The following CRTAM variants were observed in gnomAD, a reference collection of about 807,000 sequenced individuals.
CRTAM encodes the protein cytotoxic and regulatory T cell molecule.
A neutral mutation model predicts 50.0 loss-of-function variants in CRTAM; 44 were observed. The ratio of observed to expected loss-of-function variants is 0.88; its 90% CI spans 0.69 to 1.13. CRTAM has a LOEUF of 1.13. Ranked by LOEUF, CRTAM falls within the 50% of genes most tolerant of loss-of-function variation. CRTAM has a pLI of 0.00. For synonymous variants in CRTAM, 159 were observed against 169.3 expected, an observed-to-expected ratio of 0.94 and a Z score of 0.47; for missense variants, 448 against 457.5, an observed-to-expected ratio of 0.98 and a Z score of 0.19.
At chr11:122,851,591 C>T in intron 2 of CRTAM, 102 bp from the exon 3 acceptor site, 1 of 1,031,374 alleles carries the variant, frequency 9.7e-7, no homozygotes, top group Non-Finnish European at 1.5e-6. Flanking sequence ...TTGATTGTGC[C>T]AAATGTAGAA....
chr11:122,840,773 T>C (rs1256486004), intron 1 of CRTAM, among the ~76,000 whole-genome samples: 4 of 151,994 alleles, frequency 2.6e-5, no homozygotes, highest in Admixed American at 2.0e-4. Flanking sequence ...ACTTCTACAG[T>C]GTTACTTCTA....
chr11:122,866,836 C>T (rs1254074661), intron 7 of CRTAM, among the ~76,000 whole-genome samples: 1 of 151,990 alleles, frequency 6.6e-6, no homozygotes, highest in East Asian at 1.9e-4. Context: ...GTCTCAAACT[C>T]CTGGCCTCAA....
At chr11:122,855,235 C>T (rs114468212) in intron 4 of CRTAM, among the ~76,000 whole-genome samples, 1,876 of 152,264 alleles carry the variant, frequency 0.012, 47 homozygotes, top group African/African-American at 0.043. Flanking sequence ...TGAGCCACTG[C>T]GCCCGGCCTG....
At chr11:122,864,537 T>C (rs574335600) in intron 6 of CRTAM, 99 bp from the exon 7 acceptor site, 3 of 753,592 alleles carry the variant, frequency 4.0e-6, no homozygotes, top group East Asian at 5.6e-5. Context: ...TAAATTTGGC[T>C]TCCCAAGCTG....
At chr11:122,865,637 C>T (rs1208223693) in intron 7 of CRTAM, among the ~76,000 whole-genome samples, 5 of 152,060 alleles carry the variant, frequency 3.3e-5, no homozygotes, top group Admixed American at 2.6e-4. Flanking sequence ...CAGCATTGCT[C>T]CCAATTTCTT....
In CRTAM at chr11:122,853,866, A is replaced by G. The variant is rs895192598; in HGVS notation, c.347-77A>G. ...AGTATACCCTATAACAATCACCTACAGATTATTAGCCTCTGTGCTTTGTTG... is the reference window on the plus strand; with the variant it reads ...AGTATACCCTATAACAATCACCTACGGATTATTAGCCTCTGTGCTTTGTTG... On this transcript the variant is annotated intron_variant, in intron 3 of 9. Transcript: ENST00000227348. The G allele has an allele frequency of 2.9e-6, 4 of 1,368,764 alleles. No homozygotes were observed. In the Admixed American group the frequency reaches 6.2e-5, roughly 21 times the overall value. The allele number at this position is 1,368,764 out of a possible 1,614,324, so 84.8% of individuals were successfully genotyped here. A position where few individuals can be genotyped will look rare whatever the true frequency, so the allele number is the denominator to read the frequency against.
At chr11:122,854,118 T>C in intron 4 of CRTAM, 32 bp downstream of exon 4, 1 of 1,596,308 alleles carries the variant, frequency 6.3e-7, no homozygotes, top group Non-Finnish European at 8.5e-7. Context: ...TTTGTCTTCC[T>C]TCCTACTCAA....
chr11:122,840,116 A>C (rs1356539001), intron 1 of CRTAM, among the ~76,000 whole-genome samples: 1 of 152,222 alleles, frequency 6.6e-6, no homozygotes, highest in Non-Finnish European at 1.5e-5. Flanking sequence ...CCTCATAAAA[A>C]ATAACTCATA....
At chr11:122,852,471 G>T (rs1327701332) in intron 3 of CRTAM, among the ~76,000 whole-genome samples, 1 of 152,170 alleles carries the variant, frequency 6.6e-6, no homozygotes, top group Admixed American at 6.5e-5. Flanking sequence ...TGGCAGAACA[G>T]ATCGATTAAA....
intron 6 of CRTAM, among the ~76,000 whole-genome samples, chr11:122,863,259 AAAG>A (rs1862113727): frequency 1.6e-5 from 1 of 61,114 alleles, no homozygotes; most frequent in Admixed American, 1.8e-4. Flanking sequence ...GAGAGAAAGA[AAAG>A]AAAGAAAGAA....
At chr11:122,845,437 G>A (rs867183524) in intron 1 of CRTAM, among the ~76,000 whole-genome samples, 2 of 152,118 alleles carry the variant, frequency 1.3e-5, no homozygotes, top group Non-Finnish European at 2.9e-5. Flanking sequence ...GGCAGGGCAC[G>A]GTGGCTCATG....
intron 1 of CRTAM, among the ~76,000 whole-genome samples, chr11:122,840,352 A>G (rs1453736472): frequency 6.6e-6 from 1 of 152,218 alleles, no homozygotes; most frequent in Non-Finnish European, 1.5e-5. Flanking sequence ...AAGCTAGAAT[A>G]TGACAACATA....
chr11:122,841,813 A>G (rs1005723372), intron 1 of CRTAM, among the ~76,000 whole-genome samples: 15 of 152,254 alleles, frequency 9.9e-5, no homozygotes, highest in Non-Finnish European at 1.8e-4. Flanking sequence ...ATCTACAGAG[A>G]AACACCTGTA....
At chr11:122,856,145 G>A (rs1292669711) in intron 5 of CRTAM, among the ~76,000 whole-genome samples, 1 of 152,182 alleles carries the variant, frequency 6.6e-6, no homozygotes, top group Non-Finnish European at 1.5e-5. Context: ...TTTTATTGCT[G>A]TTGTGTTTTT....
intron 8 of CRTAM, 86 bp downstream of exon 8, chr11:122,867,641 C>T: frequency 7.8e-7 from 1 of 1,289,570 alleles, no homozygotes. Flanking sequence ...TTAAAGCTTT[C>T]TGTCAGACAC....
chr11:122,851,729 C>T lies in CRTAM; in HGVS notation c.230C>T (p.Ser77Leu), dbSNP rs762410437. 7 of 1,614,128 alleles carry T rather than the reference C, an allele frequency of 4.3e-6. No homozygotes were observed. Among genetic ancestry groups the T allele is most frequent in the African/African-American group, 2.7e-5 (2 of 75,040 alleles). ...TCCAAATACCAGCTTCTTCATCACT[C>T]GGCCAATCAGCTCTCCATCACTGTG... ...KNSKYQLLHH[S>L]ANQLSITVPN... The change falls in exon 3 of 10, where the codon TCG becomes TTG. Residue 77 changes from serine to leucine, a missense_variant. Coordinates refer to ENST00000227348, the MANE Select transcript of CRTAM (RefSeq NM_019604.4).
chr11:122,869,767 G>A (rs954396395), intron 9 of CRTAM, among the ~76,000 whole-genome samples: 3 of 152,138 alleles, frequency 2.0e-5, no homozygotes, highest in Non-Finnish European at 2.9e-5. Context: ...CTACTAGAGC[G>A]TGAACTGAAA....
At chr11:122,863,228 C>CGAAAGAAAGAAAGAAAGAAA (rs150041954) in intron 6 of CRTAM, among the ~76,000 whole-genome samples, 22 of 108,672 alleles carry the variant, frequency 2.0e-4, no homozygotes, top group African/African-American at 6.9e-4. Flanking sequence ...AAATGAATTA[C>CGAAAGAAAGAAAGAAAGAAA]GAAAGAAAGA....
chr11:122,839,014 C>T (rs1861767555), intron 1 of CRTAM, among the ~76,000 whole-genome samples: 1 of 152,142 alleles, frequency 6.6e-6, no homozygotes, highest in Non-Finnish European at 1.5e-5. Flanking sequence ...CTGCAAGCTC[C>T]GCCTCCCGGG....
Sources: allele counts gnomAD v4.1 joint callset (sites outside exome capture counted in the v4.1 genomes callset), GRCh38; gene constraint gnomAD v4.1.1; transcripts MANE v1.5; gene names NCBI Gene and HGNC (gene_info 2026-07-23, HGNC 2026-07-21).